Variants in SDK1 observed in about 807,000 individuals in gnomAD.
SDK1 encodes the protein sidekick cell adhesion molecule 1, also known as protein sidekick-1.
A neutral mutation model predicts 245.5 loss-of-function variants in SDK1; 157 were observed. The ratio of observed to expected loss-of-function variants is 0.64; its 90% CI spans 0.56 to 0.73. The LOEUF (loss-of-function observed/expected upper bound fraction) is 0.73, where lower values mean the gene tolerates loss of function less well. Among genes scored for constraint, SDK1 ranks in the 30% least tolerant of loss-of-function variants. SDK1 has a pLI of 0.00. For missense variants in SDK1, 3,583 were observed against 3,002.3 expected, an observed-to-expected ratio of 1.19 and a Z score of -4.52; for synonymous variants, 1,647 against 1,278.5, an observed-to-expected ratio of 1.29 and a Z score of -6.15.
At chr7:4,077,420 C>T (rs530632956) in intron 21 of SDK1, among the ~76,000 whole-genome samples, 2 of 152,342 alleles carry the variant, frequency 1.3e-5, no homozygotes, top group South Asian at 4.1e-4. Flanking sequence ...CTGCTTTGGC[C>T]TCAGCCAGTT....
intron 4 of SDK1, among the ~76,000 whole-genome samples, chr7:3,757,143 C>G (rs1779955636): frequency 6.6e-6 from 1 of 152,156 alleles, no homozygotes; most frequent in African/African-American, 2.4e-5. Context: ...ATTGAGGGCT[C>G]AAAACTACCC....
chr7:3,764,108 A>G (rs1375396347), intron 4 of SDK1, among the ~76,000 whole-genome samples: 1 of 152,178 alleles, frequency 6.6e-6, no homozygotes, highest in Non-Finnish European at 1.5e-5. Context: ...TAGTATTGTT[A>G]TAATACTCGT....
In SDK1 at chr7:3,386,322, A is replaced by G. The variant is rs1011356162; in HGVS notation, c.298+84438A>G. 2.0e-5 allele frequency among the ~76,000 whole-genome samples: 3 copies of G among 152,304 alleles called. No homozygotes were observed. In the South Asian group the frequency reaches 6.2e-4, roughly 32 times the overall value. ...TACCATGCAGATTGCAGTTTTAGCT[A>G]TCATGAATTTCTGAATATTTTATGT... On this transcript the variant is annotated intron_variant, in intron 1 of 44. Transcript: ENST00000404826.
At chr7:4,016,317 A>G (rs1443805696) in intron 16 of SDK1, among the ~76,000 whole-genome samples, 1 of 152,242 alleles carries the variant, frequency 6.6e-6, no homozygotes, top group Non-Finnish European at 1.5e-5. Context: ...AAGCTGCAGG[A>G]TGACAGGGCA....
chr7:4,209,878 A>G (rs1392148719), intron 37 of SDK1, 147 bp from the exon 38 acceptor site: 2 of 758,388 alleles, frequency 2.6e-6, no homozygotes, highest in Non-Finnish European at 3.9e-6. Flanking sequence ...TGATCAATAA[A>G]TCTTTTCATT....
rs114114198 is a variant in SDK1 at position 3,871,733 on chromosome 7, C to T, written c.847+50150C>T. On this transcript the variant is annotated intron_variant, in intron 5 of 44. Transcript: ENST00000404826. ...AACTAAGTATAGTGAATGACCAACC[C>T]TTTCGTGAGGGATCTGCCCCCATGA... Among the ~76,000 whole-genome samples the T allele has an allele frequency of 5.4e-3, 816 of 152,306 alleles. 8 individuals are homozygous for T. Among genetic ancestry groups the T allele is most frequent in the African/African-American group, 0.019 (784 of 41,554 alleles).
At chr7:4,082,602 C>G (rs1004333654) in intron 22 of SDK1, among the ~76,000 whole-genome samples, 51 of 151,342 alleles carry the variant, frequency 3.4e-4, no homozygotes, top group Non-Finnish European at 7.4e-5. Flanking sequence ...TCTCATGATA[C>G]CATTGTCACA....
intron 8 of SDK1, 112 bp from the exon 9 acceptor site, chr7:3,962,545 C>A (rs1781782777): frequency 2.1e-6 from 2 of 963,940 alleles, no homozygotes; most frequent in Non-Finnish European, 3.0e-6. Flanking sequence ...AGCACGAATA[C>A]ACAAGAAAAT....
chr7:3,477,282 A>G (rs527385757), intron 1 of SDK1, among the ~76,000 whole-genome samples: 46 of 129,338 alleles, frequency 3.6e-4, no homozygotes, highest in South Asian at 2.2e-3. Flanking sequence ...TGCAGTCTCC[A>G]TCTCCTGGCT....
chr7:4,100,979 G>A (rs920195122), intron 22 of SDK1, among the ~76,000 whole-genome samples: 6 of 152,302 alleles, frequency 3.9e-5, no homozygotes, highest in Middle Eastern at 3.4e-3. Flanking sequence ...CCTGCAGGGT[G>A]CGTGACGGGG....
Position 3,951,807 on chromosome 7 carries a change from G to A in SDK1, c.1037G>A (p.Arg346His), listed in dbSNP as rs138596298. ...ITSGLHSFGR[R>H]LTISNPTSAD... ...AGTGGCCTCCACAGCTTTGGAAGAC[G>A]CCTCACCATCAGCAACCCGACGTCC... Residue 346 changes from arginine to histidine, a missense_variant, in exon 7 of 45, where the codon CGC becomes CAC. Transcript: ENST00000404826. 7.8e-4 allele frequency: 1,256 copies of A among 1,613,844 alleles called. 3 individuals are homozygous for A. The highest frequency in any genetic ancestry group is 7.9e-4 in the Non-Finnish European group (935 of 1,180,018).
intron 38 of SDK1, among the ~76,000 whole-genome samples, chr7:4,211,643 T>C (rs560451085): frequency 6.6e-6 from 1 of 152,266 alleles, no homozygotes; most frequent in East Asian, 1.9e-4. Flanking sequence ...GGAGTCTTGC[T>C]CTGTCTCCCA....
At chr7:3,453,827 C>G (rs1226261334) in intron 1 of SDK1, among the ~76,000 whole-genome samples, 1 of 152,086 alleles carries the variant, frequency 6.6e-6, no homozygotes, top group Non-Finnish European at 1.5e-5. Context: ...CTCAAATGAT[C>G]TCCTGGACTC....
In SDK1 at chr7:4,145,825, G is replaced by C; in HGVS notation, c.4332G>C (p.Pro1444=). The change falls in exon 29 of 45, where the codon CCG becomes CCC. Residue 1444 remains proline, a synonymous_variant. Transcript: ENST00000404826. ...AGTTCACAGCCACCGACCTGGCCCC[G>C]GAGTCCGCATACATCTTCAGGCTGT... ...VRQFTATDLA[P]ESAYIFRLSA... is the part of the protein sequence containing the mutation. 1.2e-6 allele frequency: 2 copies of C among 1,613,804 alleles called. No homozygotes were observed. Among genetic ancestry groups the C allele is most frequent in the Non-Finnish European group, 1.7e-6 (2 of 1,179,910 alleles).
chr7:4,159,062 C>A (rs1175477177), intron 31 of SDK1, among the ~76,000 whole-genome samples: 2 of 152,192 alleles, frequency 1.3e-5, no homozygotes, highest in Non-Finnish European at 2.9e-5. Flanking sequence ...GCTCTATCAG[C>A]CGCGTCCAGC....
chr7:3,667,001 G>C (rs923490994), intron 4 of SDK1, among the ~76,000 whole-genome samples: 1 of 152,020 alleles, frequency 6.6e-6, no homozygotes, highest in African/African-American at 2.4e-5. Context: ...GTGTTTTGGG[G>C]TGTTCTTACG....
intron 1 of SDK1, among the ~76,000 whole-genome samples, chr7:3,380,858 C>T (rs546315080): frequency 5.9e-5 from 9 of 152,062 alleles, no homozygotes; most frequent in Non-Finnish European, 1.0e-4. Context: ...AGAAACCACC[C>T]CCATTAGACT....
intron 38 of SDK1, among the ~76,000 whole-genome samples, chr7:4,213,864 A>AT (rs1784641212): frequency 1.3e-5 from 2 of 152,254 alleles, no homozygotes; most frequent in Non-Finnish European, 2.9e-5. Context: ...CATTCGGAAG[A>AT]TTTTTAGACA....
At position 4,026,910 on chromosome 7, in the gene SDK1, G is replaced by A. The variant is rs1041778472; in HGVS notation, c.2602+9558G>A. 4.6e-5 allele frequency among the ~76,000 whole-genome samples: 7 copies of A among 152,182 alleles called. No individual in the cohort carries two copies. The highest frequency in any genetic ancestry group is 1.2e-4 in the African/African-American group (5 of 41,444). On this transcript the variant is annotated intron_variant, in intron 17 of 44. Transcript: ENST00000404826. This position sits in a 1 kb window ranked among gnomAD's most constrained non-coding sequence, Gnocchi z 4.1. ...CTCACCGCTCCCTGGTTTCAAAGGCGTATACATTTAATTCTATGTGGTAAC... is the reference window on the plus strand; with the variant it reads ...CTCACCGCTCCCTGGTTTCAAAGGCATATACATTTAATTCTATGTGGTAAC...
Sources: allele counts gnomAD v4.1 joint callset (sites outside exome capture counted in the v4.1 genomes callset), GRCh38; gene constraint gnomAD v4.1.1; non-coding constraint Gnocchi (gnomAD v3.1); transcripts MANE v1.5; gene names NCBI Gene and HGNC (gene_info 2026-07-23, HGNC 2026-07-21).